TTLL5: variants seen among roughly 807,000 people sequenced by gnomAD.
TTLL5 encodes tubulin tyrosine ligase like 5.
A neutral mutation model predicts 168.4 loss-of-function variants in TTLL5; 132 were observed. The ratio of observed to expected loss-of-function variants is 0.78; its 90% confidence interval spans 0.68 to 0.91. TTLL5 has a LOEUF of 0.91. Ranked by LOEUF, TTLL5 falls within the 40% of genes least tolerant of loss-of-function variation. The pLI, the probability that TTLL5 is intolerant of heterozygous loss-of-function variation, is 0.00. For missense variants in TTLL5, 1,545 were observed against 1,581.5 expected (o/e 0.98, Z 0.39); for synonymous variants, 546 against 558.6 (o/e 0.98, Z 0.32).
At position 75,663,229 on chromosome 14, in the gene TTLL5, T is replaced by G. The variant is rs751971515; in HGVS notation, c.74+6T>G. On this transcript the variant is annotated splice_donor_region_variant and intron_variant, in intron 2 of 31. Coordinates refer to ENST00000298832, the MANE Select transcript of TTLL5 (RefSeq NM_015072.5). ...GAGGAGGTCATAAGTCAAGAGTAAGTAATAGCAAGCCTGCTTTCAACCTGT... is the reference window on the plus strand; with the variant it reads ...GAGGAGGTCATAAGTCAAGAGTAAGGAATAGCAAGCCTGCTTTCAACCTGT... 4.0e-5 allele frequency: 65 copies of G among 1,610,182 alleles called. No individual in the cohort carries two copies. Among genetic ancestry groups the G allele is most frequent in the Non-Finnish European group, 4.0e-5 (47 of 1,178,360 alleles).
At chr14:75,860,429 A>G (rs766369268) in intron 28 of TTLL5, among the ~76,000 whole-genome samples, 19 of 152,266 alleles carry the variant, frequency 1.2e-4, no homozygotes, top group Admixed American at 3.9e-4. Context: ...TGTAAGCTTC[A>G]TAGTTATATA....
chr14:75,941,599 T>G (rs2034607750), intron 31 of TTLL5: 1 of 152,198 alleles, frequency 6.6e-6, no homozygotes, highest in Non-Finnish European at 1.5e-5. Context: ...GGTTATATGT[T>G]CATAACATTT....
At chr14:75,718,847 T>A (rs1334992205) in intron 10 of TTLL5, among the ~76,000 whole-genome samples, 2 of 152,146 alleles carry the variant, frequency 1.3e-5, no homozygotes, top group Non-Finnish European at 2.9e-5. Context: ...TACTTTCTAC[T>A]CAGACTAAAA....
chr14:75,661,508 C>T (rs979632826), intron 1 of TTLL5, 121 bp downstream of exon 1: 1 of 152,292 alleles, frequency 6.6e-6, no homozygotes, highest in Non-Finnish European at 1.5e-5. Context: ...TCCGGGCGCG[C>T]CGCGTTGAAT....
At chr14:75,786,959 C>T (rs943244250) in intron 26 of TTLL5, among the ~76,000 whole-genome samples, 2 of 152,022 alleles carry the variant, frequency 1.3e-5, no homozygotes, top group Non-Finnish European at 2.9e-5. Flanking sequence ...ATGGTAAAAC[C>T]CAATCTCTAC....
intron 27 of TTLL5, among the ~76,000 whole-genome samples, chr14:75,809,211 G>T (rs942128330): frequency 1.3e-5 from 2 of 152,086 alleles, no homozygotes; most frequent in African/African-American, 4.8e-5. Flanking sequence ...TAATTTCAAA[G>T]GGTTCAAATA....
At chr14:75,773,949 G>GAA (rs1195340263) in intron 21 of TTLL5, among the ~76,000 whole-genome samples, 754 of 46,308 alleles carry the variant, frequency 0.016, 27 homozygotes, top group African/African-American at 0.054. Flanking sequence ...GAGAGAGAGA[G>GAA]AGAGAGAAAG....
chr14:75,751,465 G>T lies in TTLL5; in HGVS notation c.1488-1428G>T, dbSNP rs147394086. Among the ~76,000 whole-genome samples the T allele has an allele frequency of 9.0e-3, 1,377 of 152,268 alleles. 11 individuals are homozygous for T. Among genetic ancestry groups the T allele is most frequent in the Middle Eastern group, 0.017 (5 of 294 alleles). On this transcript the variant is annotated intron_variant, in intron 17 of 31. Coordinates refer to ENST00000298832, the MANE Select transcript of TTLL5 (RefSeq NM_015072.5). ...ACACAAACACTGCTAAGTGATTCATGGGCCTGGAGTGTCTACAGTGCAGAG... is the reference window on the plus strand; with the variant it reads ...ACACAAACACTGCTAAGTGATTCATTGGCCTGGAGTGTCTACAGTGCAGAG...
At chr14:75,931,405 A>G (rs2034272153) in intron 31 of TTLL5, among the ~76,000 whole-genome samples, 1 of 152,202 alleles carries the variant, frequency 6.6e-6, no homozygotes, top group Non-Finnish European at 1.5e-5. Flanking sequence ...GATTATCATT[A>G]TTATACTTTT....
intron 18 of TTLL5, chr14:75,757,921 C>T: frequency 6.6e-7 from 1 of 1,515,402 alleles, no homozygotes; most frequent in Non-Finnish European, 8.9e-7. Context: ...TAATGTGTGA[C>T]CATGCACAGA....
At chr14:75,832,607 A>C (rs1297397280) in intron 28 of TTLL5, among the ~76,000 whole-genome samples, 2 of 152,212 alleles carry the variant, frequency 1.3e-5, no homozygotes, top group Non-Finnish European at 2.9e-5. Context: ...ATGAGATCCC[A>C]TATGTGAACG....
intron 31 of TTLL5, among the ~76,000 whole-genome samples, chr14:75,933,913 C>G (rs778996212): frequency 4.6e-5 from 7 of 152,230 alleles, no homozygotes; most frequent in African/African-American, 7.2e-5. Context: ...CACAGCAAGA[C>G]TGTGGCCATC....
chr14:75,689,170 G>C (rs751892327), intron 5 of TTLL5, among the ~76,000 whole-genome samples: 7 of 152,206 alleles, frequency 4.6e-5, no homozygotes, highest in Admixed American at 3.9e-4. Context: ...AGTTCATGTG[G>C]GGAGGAACTG....
intron 27 of TTLL5, among the ~76,000 whole-genome samples, chr14:75,796,566 T>G (rs1893007311): frequency 6.6e-6 from 1 of 152,196 alleles, no homozygotes; most frequent in Non-Finnish European, 1.5e-5. Flanking sequence ...GGTCTTAGAT[T>G]TAAGTCTTTC....
chr14:75,740,436 A>G (rs938008213), intron 15 of TTLL5, among the ~76,000 whole-genome samples: 1 of 152,052 alleles, frequency 6.6e-6, no homozygotes, highest in African/African-American at 2.4e-5. Flanking sequence ...TTTTTTTCTA[A>G]ACTGGTACCT....
At chr14:75,773,986 A>T (rs1891557738) in intron 21 of TTLL5, among the ~76,000 whole-genome samples, 1 of 148,616 alleles carries the variant, frequency 6.7e-6, no homozygotes, top group Non-Finnish European at 1.5e-5. Context: ...AGAGAGAGAG[A>T]GAGAGAGAGA....
rs1172624848 is a variant in TTLL5, at chr14:75,716,315, G to C, written c.741-1546G>C. 3.9e-5 allele frequency among the ~76,000 whole-genome samples: 6 copies of C among 152,116 alleles called. 1 individual carries two copies. The highest frequency in any genetic ancestry group is 1.2e-4 in the African/African-American group (5 of 41,434). ...CATCAAACTCTTGTCTTTTAGCCTA[G>C]TCATCATTTTCTCTTTGTCCACATC... On this transcript the variant is annotated intron_variant, in intron 9 of 31. Coordinates refer to ENST00000298832, the MANE Select transcript of TTLL5 (RefSeq NM_015072.5).
At chr14:75,755,993 A>T (rs796333905) in intron 18 of TTLL5, among the ~76,000 whole-genome samples, 1 of 43,532 alleles carries the variant, frequency 2.3e-5, no homozygotes, top group Admixed American at 2.0e-4. Flanking sequence ...ACCGCCCCCC[A>T]CCCCCACCCA....
chr14:75,787,692 G>A (rs1272394754), intron 26 of TTLL5, among the ~76,000 whole-genome samples: 4 of 152,278 alleles, frequency 2.6e-5, no homozygotes, highest in South Asian at 2.1e-4. Flanking sequence ...CCAATAATTA[G>A]ACAAAACGCC....
Sources: allele counts gnomAD v4.1 joint callset (sites outside exome capture counted in the v4.1 genomes callset), GRCh38; gene constraint gnomAD v4.1.1; transcripts MANE v1.5; gene names NCBI Gene and HGNC (gene_info 2026-07-23, HGNC 2026-07-21).